APPL2: variants seen among roughly 807,000 people sequenced by gnomAD.
APPL2 encodes DCC-interacting protein 13-beta.
Under a neutral mutation model 92.7 loss-of-function variants are expected in APPL2, and 84 were observed. The ratio of observed to expected loss-of-function variants is 0.91; its 90% CI spans 0.76 to 1.09. APPL2 has a LOEUF of 1.09. Among genes scored for constraint, APPL2 ranks in the 50% least tolerant of loss-of-function variants. APPL2 has a pLI of 0.00. For missense variants in APPL2, 736 were observed against 824.5 expected, an observed-to-expected ratio of 0.89 and a Z score of 1.31; for synonymous variants, 291 against 291.0, an observed-to-expected ratio of 1.00 and a Z score of 0.00.
intron 9 of APPL2, among the ~76,000 whole-genome samples, chr12:105,200,864 GTATCTATCTATCTATCTATCTATC>G (rs202172435): frequency 0.09 from 12,089 of 134,976 alleles, 667 homozygotes; most frequent in East Asian, 0.26. Flanking sequence ...ATGTATGTAT[GTATCTATCTATCTATCTATCTATC>G]TATCTATCTA....
At chr12:105,176,119 A>G (rs1244211270) in intron 19 of APPL2, 37 bp from the exon 20 acceptor site, 1 of 1,556,844 alleles carries the variant, frequency 6.4e-7, no homozygotes, top group Non-Finnish European at 8.8e-7. Context: ...TGGCAAAAGT[A>G]GAGAAGGATA....
At chr12:105,200,864 G>GTATGTATGTATGTATGTATC (rs757298388) in intron 9 of APPL2, among the ~76,000 whole-genome samples, 4 of 134,972 alleles carry the variant, frequency 3.0e-5, no homozygotes, top group African/African-American at 1.1e-4. Flanking sequence ...ATGTATGTAT[G>GTATGTATGTATGTATGTATC]TATCTATCTA....
chr12:105,175,068 G>C (rs1024769398), intron 20 of APPL2, among the ~76,000 whole-genome samples: 5 of 152,282 alleles, frequency 3.3e-5, no homozygotes, highest in Admixed American at 6.5e-5. Flanking sequence ...ATTTTTAGTA[G>C]AGATGGGGTT....
At position 105,176,731 on chromosome 12, in the gene APPL2, C is replaced by A. The variant is rs1365969153; in HGVS notation, c.1812+145G>T. On this transcript the variant is annotated intron_variant, in intron 19 of 20. Coordinates refer to ENST00000258530, the MANE Select transcript of APPL2 (RefSeq NM_018171.5). ...TAAATCGAGTTTTCTTTCAGTGAGGCCTTCTTAGGAGGTATTATCTGAACT... is the reference window on the plus strand; with the variant it reads ...TAAATCGAGTTTTCTTTCAGTGAGGACTTCTTAGGAGGTATTATCTGAACT... 3.9e-6 allele frequency: 4 copies of A among 1,015,208 alleles called. No homozygotes were observed. In the African/African-American group the frequency reaches 4.9e-5, roughly 12 times the overall value. The allele number at this position is 1,015,208 out of a possible 1,614,324, so 62.9% of individuals were successfully genotyped here.
intron 1 of APPL2, among the ~76,000 whole-genome samples, chr12:105,234,859 AAC>A (rs1891137704): frequency 6.6e-6 from 1 of 152,244 alleles, no homozygotes; most frequent in East Asian, 1.9e-4. Flanking sequence ...ACAAACAAAA[AAC>A]ACACACACAG....
Position 105,236,170 on chromosome 12 carries a change from C to T in APPL2, c.-158G>A, listed in dbSNP as rs1210544754. 10 of 72,802 alleles carry T rather than the reference C, an allele frequency of 1.4e-4. 1 individual carries two copies. Among genetic ancestry groups the T allele is most frequent in the Admixed American group, 4.1e-4 (2 of 4,846 alleles). The allele number at this position is 72,802 out of a possible 1,614,324, so 4.5% of individuals were successfully genotyped here. ...TCCACGCCTGGCCAGTGGCCGCCGCCGCCTGCCCGCCGGCCCAGCCCCCGG... is the reference window on the plus strand; with the variant it reads ...TCCACGCCTGGCCAGTGGCCGCCGCTGCCTGCCCGCCGGCCCAGCCCCCGG... On this transcript the variant is annotated 5_prime_UTR_variant, in exon 1 of 21. Coordinates refer to ENST00000258530, the MANE Select transcript of APPL2 (RefSeq NM_018171.5).
chr12:105,207,117 G>A lies in APPL2; in HGVS notation c.565C>T (p.Gln189Ter). The change falls in exon 8 of 21, where the codon CAG (glutamine) becomes TAG (stop). Residue 189 changes from glutamine (Q) to a stop codon, truncating the protein, a stop_gained. Transcript: ENST00000258530. LOFTEE classifies it high-confidence loss of function. ...ATCATGGCCATTTGCTTTCTGTACT[G>A]CAGCGCGTTGAGGGCACAGTAGTAC... ...LQYYCALNAL[Q>*]YRKQMAMMEP... 1 of 1,614,190 alleles carries A rather than the reference G, an allele frequency of 6.2e-7. No homozygotes were observed. Among genetic ancestry groups the A allele is most frequent in the Non-Finnish European group, 8.5e-7 (1 of 1,180,050 alleles).
chr12:105,179,597 A>G (rs1885911322), intron 17 of APPL2, among the ~76,000 whole-genome samples: 1 of 152,234 alleles, frequency 6.6e-6, no homozygotes, highest in South Asian at 2.1e-4. Flanking sequence ...TTACATTCCC[A>G]GCAGTATAAA....
chr12:105,222,790 G>C (rs940957266), intron 2 of APPL2, among the ~76,000 whole-genome samples: 7 of 152,198 alleles, frequency 4.6e-5, no homozygotes, highest in African/African-American at 1.7e-4. Context: ...TGACCAACAA[G>C]TGTACAAGGC....
chr12:105,203,192 G>A (rs1424017393), intron 9 of APPL2, among the ~76,000 whole-genome samples: 1 of 152,270 alleles, frequency 6.6e-6, no homozygotes, highest in African/African-American at 2.4e-5. Context: ...AAGCTGGGGA[G>A]GGGCGGGTGG....
At chr12:105,213,194 T>C (rs953134780) in intron 4 of APPL2, among the ~76,000 whole-genome samples, 2 of 152,348 alleles carry the variant, frequency 1.3e-5, no homozygotes, top group African/African-American at 2.4e-5. Flanking sequence ...CCAATGGTTA[T>C]GCACTACAGA....
intron 19 of APPL2, 53 bp from the exon 20 acceptor site, chr12:105,176,135 T>G: frequency 6.7e-7 from 1 of 1,499,184 alleles, no homozygotes. Flanking sequence ...GGATAAAATT[T>G]TAGAACAAAT....
intron 17 of APPL2, among the ~76,000 whole-genome samples, chr12:105,186,699 C>CATATCATATATATATCATAT (rs72474692): frequency 1.5e-5 from 2 of 134,570 alleles, no homozygotes; most frequent in East Asian, 2.0e-4. Flanking sequence ...TATCATATAT[C>CATATCATATATATATCATAT]ATATCATATA....
At chr12:105,193,564 G>A (rs988838356) in intron 14 of APPL2, among the ~76,000 whole-genome samples, 1 of 152,160 alleles carries the variant, frequency 6.6e-6, no homozygotes, top group African/African-American at 2.4e-5. Flanking sequence ...AGAAGGCTAC[G>A]GGATTAACCC....
intron 17 of APPL2, among the ~76,000 whole-genome samples, chr12:105,183,206 A>C (rs1886286487): frequency 1.3e-5 from 2 of 149,194 alleles, no homozygotes; most frequent in South Asian, 4.2e-4. Context: ...TTGACTCTTT[A>C]TCCAATGTGC....
chr12:105,176,473 T>C (rs1885555393), intron 19 of APPL2: 6 of 436,052 alleles, frequency 1.4e-5, no homozygotes, highest in Middle Eastern at 5.7e-4. Context: ...GTCAAAAGTT[T>C]TTCATACTAA....
chr12:105,190,031 G>C lies in APPL2; in HGVS notation c.1366C>G (p.Leu456Val). ...TGATCAAGGAATTCTGTAGCAGGAA[G>C]CACAATATCGAATTGAATCGGCGTT... Reference protein sequence around the residue: ...PGTPIQFDIVLPATEFLDQNR... With the variant: ...PGTPIQFDIVVPATEFLDQNR... Residue 456 changes from leucine to valine, a missense_variant, in exon 15 of 21, where the codon CTT (leucine) becomes GTT (valine). By Grantham distance (32) the Leu-to-Val change is conservative. Transcript: ENST00000258530. 2 of 1,614,198 alleles carry C rather than the reference G, an allele frequency of 1.2e-6. No individual in the cohort carries two copies. Among genetic ancestry groups the C allele is most frequent in the Non-Finnish European group, 1.7e-6 (2 of 1,180,042 alleles).
intron 2 of APPL2, among the ~76,000 whole-genome samples, chr12:105,221,808 C>A (rs1890121251): frequency 6.6e-6 from 1 of 152,174 alleles, no homozygotes; most frequent in Admixed American, 6.5e-5. Flanking sequence ...GTTGCCAAGG[C>A]AGAAAATCAA....
intron 9 of APPL2, among the ~76,000 whole-genome samples, 154 bp from the exon 10 acceptor site, chr12:105,199,685 G>A (rs1887980491): frequency 6.6e-6 from 1 of 152,120 alleles, no homozygotes; most frequent in South Asian, 2.1e-4. Context: ...CTACCCTTAG[G>A]CCCTGAAAAC....
Sources: allele counts gnomAD v4.1 joint callset (sites outside exome capture counted in the v4.1 genomes callset), GRCh38; gene constraint gnomAD v4.1.1; transcripts MANE v1.5; gene names NCBI Gene and HGNC (gene_info 2026-07-23, HGNC 2026-07-21).